Variants in TRIO observed in about 807,000 individuals in gnomAD.
TRIO encodes the protein trio Rho guanine nucleotide exchange factor.
A neutral mutation model predicts 351.9 loss-of-function variants in TRIO; 58 were observed. The observed-to-expected ratio is 0.16, with a 90% CI of 0.13 to 0.21. TRIO has a LOEUF of 0.21. TRIO is among the 10% of genes least tolerant of loss of function. The probability of loss-of-function intolerance (pLI) is 1.00; values close to 1 mark genes in which losing one functional copy is unlikely to be tolerated. For missense variants in TRIO, 3,201 were observed against 4,027.8 expected, an observed-to-expected ratio of 0.79 and a Z score of 5.56; for synonymous variants, 1,758 against 1,595.7, an observed-to-expected ratio of 1.10 and a Z score of -2.42.
chr5:14,507,955 C>T lies in TRIO; in HGVS notation c.8827C>T (p.Leu2943Phe). Residue 2943 changes from leucine (L) to phenylalanine (F), a missense_variant, in exon 57 of 57, where the codon CTC (leucine) becomes TTC (phenylalanine). Transcript: ENST00000344204. ...KLADFGDAVQ[L>F]NTTYYIHQLL... ...GGCTGACTTTGGAGATGCTGTTCAGCTCAACACGACCTACTACATCCACCA... is the reference window on the plus strand; with the variant it reads ...GGCTGACTTTGGAGATGCTGTTCAGTTCAACACGACCTACTACATCCACCA... 1.2e-6 allele frequency: 2 copies of T among 1,614,200 alleles called. No homozygotes were observed. The highest frequency in any genetic ancestry group is 1.7e-6 in the Non-Finnish European group (2 of 1,180,040).
chr5:14,456,386 G>A (rs1437121930), intron 34 of TRIO, among the ~76,000 whole-genome samples: 1 of 152,246 alleles, frequency 6.6e-6, no homozygotes, highest in Non-Finnish European at 1.5e-5. Context: ...GTGGTGCTGA[G>A]AACGAGTGAG....
chr5:14,215,220 TA>T (rs916688888), intron 1 of TRIO, among the ~76,000 whole-genome samples: 6 of 152,220 alleles, frequency 3.9e-5, no homozygotes, highest in Non-Finnish European at 8.8e-5. Context: ...CAAACCTAAC[TA>T]AAAGCATGCA....
chr5:14,352,696 T>C (rs1392387401), intron 11 of TRIO, among the ~76,000 whole-genome samples: 2 of 152,232 alleles, frequency 1.3e-5, no homozygotes, highest in African/African-American at 4.8e-5. Context: ...GCAAATATTT[T>C]AAATGGTTAA....
At chr5:14,473,129 A>G (rs1754805723) in intron 39 of TRIO, among the ~76,000 whole-genome samples, 1 of 152,172 alleles carries the variant, frequency 6.6e-6, no homozygotes, top group South Asian at 2.1e-4. Context: ...ATAGTTTTGT[A>G]CAGAACACAT....
At position 14,488,055 on chromosome 5, in the gene TRIO, G is replaced by C; in HGVS notation, c.7427G>C (p.Ser2476Thr). The change falls in exon 48 of 57, where the codon AGC (serine) becomes ACC (threonine). Residue 2476 changes from serine (S) to threonine (T), a missense_variant. Physicochemically the swap from Ser to Thr is moderately conservative, Grantham distance 58. Transcript: ENST00000344204. Reference protein sequence around the residue: ...PSLGKEPFPPSSPLQKGGSFW... With the variant: ...PSLGKEPFPPTSPLQKGGSFW... Reference sequence around the variant, plus strand: ...CTCGGCAAGGAGCCCTTCCCCCCCAGCAGCCCCCTGCAGAAGGGGGGCTCC... The same window carrying C: ...CTCGGCAAGGAGCCCTTCCCCCCCACCAGCCCCCTGCAGAAGGGGGGCTCC... 1 of 1,609,114 alleles carries C rather than the reference G, an allele frequency of 6.2e-7. No individual in the cohort carries two copies. The highest frequency in any genetic ancestry group is 8.5e-7 in the Non-Finnish European group (1 of 1,178,710).
rs547985347 is a variant in TRIO, at chr5:14,288,796, C to T, written c.540+1733C>T. 5.9e-5 allele frequency among the ~76,000 whole-genome samples: 9 copies of T among 152,296 alleles called. No individual in the cohort carries two copies. The East Asian group carries it at 1.2e-3, about 20-fold the overall frequency. On this transcript the variant is annotated intron_variant, in intron 4 of 56. Coordinates refer to ENST00000344204, the MANE Select transcript of TRIO (RefSeq NM_007118.4). ...CTGATGTTTCTTTTGCCAACCAGCA[C>T]GCCGGACCAGCCCTTCTTGTTTTCT... is the stretch of plus-strand genomic sequence containing the variant.
At position 14,488,277 on chromosome 5, in the gene TRIO, GC is replaced by G; in HGVS notation, c.7632+20del. The G allele has an allele frequency of 6.5e-7, 1 of 1,538,374 alleles. No individual in the cohort carries two copies. ...AGCAACGGGGTAAGCGCGTCGGGGG[GC>G]CCGCGCCCTCCCGCCCCCCTGCCTC... is the stretch of plus-strand genomic sequence containing the variant. On this transcript the variant is annotated intron_variant, in intron 48 of 56. Transcript: ENST00000344204.
intron 1 of TRIO, among the ~76,000 whole-genome samples, chr5:14,254,597 T>G (rs1290052518): frequency 6.6e-6 from 1 of 152,174 alleles, no homozygotes; most frequent in Non-Finnish European, 1.5e-5. Context: ...ACCGTTGGTC[T>G]TGGCTCTGTT....
At chr5:14,465,744 G>A (rs1462100033) in intron 37 of TRIO, 104 bp downstream of exon 37, 3 of 1,314,820 alleles carry the variant, frequency 2.3e-6, no homozygotes, top group Non-Finnish European at 2.1e-6. Flanking sequence ...GCAGAATGTG[G>A]CTGTGGCTTA....
intron 10 of TRIO, among the ~76,000 whole-genome samples, chr5:14,333,192 A>G (rs1294121197): frequency 1.3e-5 from 2 of 152,130 alleles, no homozygotes; most frequent in South Asian, 4.1e-4. Context: ...CACACTACAC[A>G]ACAGTGTGTG....
At chr5:14,270,766 A>G in intron 1 of TRIO, 59 bp from the exon 2 acceptor site, 4 of 1,367,120 alleles carry the variant, frequency 2.9e-6, no homozygotes, top group Non-Finnish European at 4.2e-6. Context: ...TAGAATGGTT[A>G]AGGAATTAAC....
At chr5:14,397,866 G>A (rs10039661) in intron 29 of TRIO, among the ~76,000 whole-genome samples, 12 of 152,144 alleles carry the variant, frequency 7.9e-5, no homozygotes, top group African/African-American at 2.2e-4. Context: ...TGGTATGGCC[G>A]CCCTTCATGA....
chr5:14,154,024 T>A (rs918621038), intron 1 of TRIO, among the ~76,000 whole-genome samples: 1 of 152,206 alleles, frequency 6.6e-6, no homozygotes, highest in Non-Finnish European at 1.5e-5. Flanking sequence ...ATACTGATGT[T>A]ACCTTTTACG....
At chr5:14,409,565 T>C (rs1345038614) in intron 33 of TRIO, among the ~76,000 whole-genome samples, 1 of 151,826 alleles carries the variant, frequency 6.6e-6, no homozygotes, top group Non-Finnish European at 1.5e-5. Context: ...GAGCACGCGG[T>C]GGCTCACGCC....
chr5:14,252,660 G>A (rs965951501), intron 1 of TRIO, among the ~76,000 whole-genome samples: 3 of 152,208 alleles, frequency 2.0e-5, no homozygotes, highest in Non-Finnish European at 4.4e-5. Flanking sequence ...TTCTAGATCC[G>A]AATTACTCCC....
intron 40 of TRIO, among the ~76,000 whole-genome samples, chr5:14,475,881 A>G (rs1187546020): frequency 6.6e-6 from 1 of 152,238 alleles, no homozygotes; most frequent in African/African-American, 2.4e-5. Flanking sequence ...ATGGTGGTTT[A>G]TGAGTTAATG....
At chr5:14,465,969 G>T in intron 37 of TRIO, 1 of 316,082 alleles carries the variant, frequency 3.2e-6, no homozygotes, top group Non-Finnish European at 6.2e-6. Flanking sequence ...GGCAGACAGA[G>T]GATTGCCAAC....
At chr5:14,222,847 G>A (rs973828654) in intron 1 of TRIO, among the ~76,000 whole-genome samples, 1 of 152,228 alleles carries the variant, frequency 6.6e-6, no homozygotes, top group Non-Finnish European at 1.5e-5. Flanking sequence ...ATGTTAAGGC[G>A]CGGGCTTGGT....
At chr5:14,405,065 A>G (rs1748582091) in intron 31 of TRIO, among the ~76,000 whole-genome samples, 1 of 152,134 alleles carries the variant, frequency 6.6e-6, no homozygotes, top group Non-Finnish European at 1.5e-5. Flanking sequence ...GAAAGAAAAA[A>G]AAAACCTCCT....
Sources: allele counts gnomAD v4.1 joint callset (sites outside exome capture counted in the v4.1 genomes callset), GRCh38; gene constraint gnomAD v4.1.1; transcripts MANE v1.5; gene names NCBI Gene and HGNC (gene_info 2026-07-23, HGNC 2026-07-21).